MYO9A: variants seen among roughly 807,000 people sequenced by gnomAD.
The protein encoded by MYO9A is unconventional myosin-IXa.
A neutral mutation model predicts 293.3 loss-of-function variants in MYO9A; 103 were observed. The ratio of observed to expected loss-of-function variants is 0.35; its 90% CI spans 0.30 to 0.41. The LOEUF is 0.41. Ranked by LOEUF, MYO9A falls within the 10% of genes least tolerant of loss-of-function variation. The probability of loss-of-function intolerance (pLI) is 1.00; values close to 1 mark genes in which losing one functional copy is unlikely to be tolerated. For missense variants in MYO9A, 2,685 were observed against 3,033.0 expected (o/e 0.89, Z 2.69); for synonymous variants, 1,001 against 1,035.7 (o/e 0.97, Z 0.64).
intron 22 of MYO9A, among the ~76,000 whole-genome samples, chr15:71,902,022 G>A (rs2057500005): frequency 6.6e-6 from 1 of 152,048 alleles, no homozygotes. Context: ...GGCTGCAAAG[G>A]TGAAGGAGAC....
Position 71,826,471 on chromosome 15 carries a change from GCAGGACCA to G in MYO9A, c.*101_*108del. Reference sequence around the variant, plus strand: ...TCTTAGCCATATGCTTAGAAAAGAGGCAGGACCACAATTAGGATTGACTATTGTGGACG... The same window carrying G: ...TCTTAGCCATATGCTTAGAAAAGAGGCAATTAGGATTGACTATTGTGGACG... On this transcript the variant is annotated 3_prime_UTR_variant, in exon 42 of 42. Transcript: ENST00000356056. 9.1e-7 allele frequency: 1 copy of G among 1,096,758 alleles called. No homozygotes were observed. The highest frequency in any genetic ancestry group is 1.3e-6 in the Non-Finnish European group (1 of 768,086). The allele number at this position is 1,096,758 out of a possible 1,614,324, so 67.9% of individuals were successfully genotyped here.
chr15:71,851,382 T>G, intron 36 of MYO9A, 24 bp from the exon 37 acceptor site: 2 of 1,549,924 alleles, frequency 1.3e-6, no homozygotes, highest in Non-Finnish European at 1.8e-6. Context: ...GAGCAGAAAC[T>G]AAGACTAAAT....
chr15:71,824,583 T>C lies in MYO9A; in HGVS notation c.*1997A>G, dbSNP rs1162793488. 2 of 152,258 alleles carry C rather than the reference T, an allele frequency of 1.3e-5. No individual in the cohort carries two copies. The allele number at this position is 152,258 out of a possible 1,614,324, so 9.4% of individuals were successfully genotyped here. ...GGCTGAGGAACCAGCAATCCCACTC[T>C]AACACACCATGCTGAGGGGTTTTCC... On this transcript the variant is annotated 3_prime_UTR_variant, in exon 42 of 42. Transcript: ENST00000356056.
At chr15:72,101,513 T>TG (rs1315312242) in intron 1 of MYO9A, among the ~76,000 whole-genome samples, 4 of 67,434 alleles carry the variant, frequency 5.9e-5, no homozygotes, top group South Asian at 5.7e-4. Context: ...GGGAGGGAGG[T>TG]GGGGGGGTCA....
At chr15:71,941,050 G>A (rs2058760833) in intron 15 of MYO9A, among the ~76,000 whole-genome samples, 1 of 152,080 alleles carries the variant, frequency 6.6e-6, no homozygotes, top group East Asian at 1.9e-4. Context: ...ACATAAAAGT[G>A]GCCTAAAGAA....
chr15:71,974,178 G>A (rs1359685519), intron 12 of MYO9A, among the ~76,000 whole-genome samples: 1 of 152,110 alleles, frequency 6.6e-6, no homozygotes, highest in Non-Finnish European at 1.5e-5. Context: ...TTTTCAGAAC[G>A]AGAAACACAT....
intron 15 of MYO9A, among the ~76,000 whole-genome samples, chr15:71,939,980 C>T (rs1448000201): frequency 6.6e-6 from 1 of 152,174 alleles, no homozygotes; most frequent in East Asian, 1.9e-4. Flanking sequence ...CCTGTAATCC[C>T]AGCACTTTGG....
Position 71,935,455 on chromosome 15 carries a change from C to T in MYO9A, c.2408G>A (p.Arg803Lys). The change falls in exon 17 of 42, where the codon AGA becomes AAA. Residue 803 changes from arginine to lysine, a missense_variant. By Grantham distance (26) the Arg-to-Lys change is conservative (BLOSUM62 2). Transcript: ENST00000356056. ...HDTFDIAWNG[R>K]TGIRQSRLSS... ...TAGTCTGCTCTGGCGAATCCCAGTT[C>T]TGCCATTCCAGGCAATATCAAATGT... 1.2e-6 allele frequency: 2 copies of T among 1,613,522 alleles called. No homozygotes were observed. The highest frequency in any genetic ancestry group is 1.7e-6 in the Non-Finnish European group (2 of 1,179,620).
intron 34 of MYO9A, among the ~76,000 whole-genome samples, chr15:71,855,828 T>G (rs974242308): frequency 3.3e-5 from 5 of 152,220 alleles, no homozygotes; most frequent in Admixed American, 6.5e-5. Flanking sequence ...ATATAATCTG[T>G]TTTATTATCC....
At chr15:71,885,748 C>G (rs887682210) in intron 27 of MYO9A, among the ~76,000 whole-genome samples, 3 of 152,064 alleles carry the variant, frequency 2.0e-5, no homozygotes, top group African/African-American at 7.2e-5. Context: ...TAAAATTTGG[C>G]TGAATTACTT....
At chr15:71,945,006 A>G (rs1172846400) in intron 15 of MYO9A, among the ~76,000 whole-genome samples, 1 of 152,194 alleles carries the variant, frequency 6.6e-6, no homozygotes, top group East Asian at 1.9e-4. Flanking sequence ...CACAACTCTT[A>G]AACATATTTG....
intron 1 of MYO9A, among the ~76,000 whole-genome samples, chr15:72,096,786 A>C (rs1336281358): frequency 1.3e-5 from 2 of 152,234 alleles, no homozygotes; most frequent in East Asian, 3.8e-4. Context: ...GAAGAGGTCA[A>C]CATAACATTA....
intron 18 of MYO9A, among the ~76,000 whole-genome samples, chr15:71,920,582 C>T (rs1178144900): frequency 2.0e-5 from 3 of 152,132 alleles, no homozygotes; most frequent in Non-Finnish European, 4.4e-5. Flanking sequence ...CAATCTAAAA[C>T]ATTTTATCAT....
In MYO9A at chr15:71,825,508, T is replaced by TTTTTA. The variant is rs1555456543; in HGVS notation, c.*1067_*1071dup. 6.6e-6 allele frequency: 1 copy of TTTTTA among 152,206 alleles called. No homozygotes were observed. Among genetic ancestry groups the TTTTTA allele is most frequent in the Non-Finnish European group, 1.5e-5 (1 of 68,044 alleles). The allele number at this position is 152,206 out of a possible 1,614,324, so 9.4% of individuals were successfully genotyped here. ...AGTTAGATAGGTCATATTAAAAACC[T>TTTTTA]TTTTATTTTTTGGCAGCTTTCTGTA... On this transcript the variant is annotated 3_prime_UTR_variant, in exon 42 of 42. Transcript: ENST00000356056.
At chr15:71,931,061 C>G (rs2058461540) in intron 18 of MYO9A, among the ~76,000 whole-genome samples, 1 of 152,124 alleles carries the variant, frequency 6.6e-6, no homozygotes, top group Admixed American at 6.5e-5. Context: ...ATTGTTTCAA[C>G]AGTTTTGTAT....
At chr15:71,875,036 T>C (rs778552601) in intron 32 of MYO9A, among the ~76,000 whole-genome samples, 9 of 152,204 alleles carry the variant, frequency 5.9e-5, no homozygotes, top group Non-Finnish European at 1.0e-4. Context: ...AACTTTTTAC[T>C]GCCTCCACTT....
intron 39 of MYO9A, among the ~76,000 whole-genome samples, chr15:71,831,413 C>G (rs2054721919): frequency 6.6e-6 from 1 of 152,234 alleles, no homozygotes; most frequent in South Asian, 2.1e-4. Flanking sequence ...CAGAAAAAGT[C>G]TGCCATCACC....
chr15:71,899,366 T>G (rs1180333550), intron 24 of MYO9A, among the ~76,000 whole-genome samples: 2 of 149,146 alleles, frequency 1.3e-5, no homozygotes, highest in African/African-American at 4.9e-5. Context: ...AATTTTAATT[T>G]AAGTGTGAAA....
chr15:72,026,275 G>GAAAAAAAAA (rs35491673), intron 4 of MYO9A, among the ~76,000 whole-genome samples: 22 of 63,480 alleles, frequency 3.5e-4, no homozygotes, highest in African/African-American at 8.8e-4. Context: ...TCCGTCTCAA[G>GAAAAAAAAA]AAAAAAAAAA....
Sources: allele counts gnomAD v4.1 joint callset (sites outside exome capture counted in the v4.1 genomes callset), GRCh38; gene constraint gnomAD v4.1.1; transcripts MANE v1.5; gene names NCBI Gene and HGNC (gene_info 2026-07-23, HGNC 2026-07-21).